CALCR: variants seen among roughly 807,000 people sequenced by gnomAD.
CALCR encodes the protein calcitonin receptor.
Under a neutral mutation model 59.5 loss-of-function variants are expected in CALCR, and 47 were observed. The ratio of observed to expected loss-of-function variants is 0.79; its 90% confidence interval spans 0.63 to 1.01. The LOEUF is 1.01. Ranked by LOEUF, CALCR falls within the 50% of genes least tolerant of loss-of-function variation. The pLI, the probability that CALCR is intolerant of heterozygous loss-of-function variation, is 0.00. For missense variants in CALCR, 566 were observed against 597.1 expected (o/e 0.95, Z 0.54); for synonymous variants, 213 against 211.3 (o/e 1.01, Z -0.07).
rs1203649332 is a variant in CALCR, at chr7:93,425,912, A to T, written c.*444T>A. 3 of 154,398 alleles carry T rather than the reference A, an allele frequency of 1.9e-5. No homozygotes were observed. The highest frequency in any genetic ancestry group is 4.8e-5 in the African/African-American group (2 of 41,456). The allele number at this position is 154,398 out of a possible 1,614,324, so 9.6% of individuals were successfully genotyped here. ...GTAACATCAGAATTGACTGAAATTT[A>T]AAAAAATTAAAAATCAGATCCATAG... On this transcript the variant is annotated 3_prime_UTR_variant, in exon 14 of 14. Coordinates refer to ENST00000426151, the MANE Select transcript of CALCR (RefSeq NM_001742.4).
At chr7:93,568,938 C>T (rs549539894) in intron 2 of CALCR, among the ~76,000 whole-genome samples, 22 of 152,134 alleles carry the variant, frequency 1.4e-4, no homozygotes, top group Admixed American at 9.8e-4. Context: ...CTCCTTGTCC[C>T]GACTTGGTGA....
At position 93,436,137 on chromosome 7, in the gene CALCR, C is replaced by T; in HGVS notation, c.964G>A (p.Val322Met). The T allele has an allele frequency of 6.2e-7, 1 of 1,614,102 alleles. No homozygotes were observed. The highest frequency in any genetic ancestry group is 8.5e-7 in the Non-Finnish European group (1 of 1,179,968). ...GTTTCCCTCATTTTGGTCACAAGCACCCGGACAATGTTGAGCAAAAAGAAG... is the reference window on the plus strand; with the variant it reads ...GTTTCCCTCATTTTGGTCACAAGCATCCGGACAATGTTGAGCAAAAAGAAG... Reference protein sequence around the residue: ...NFFFLLNIVRVLVTKMRETHE... With the variant: ...NFFFLLNIVRMLVTKMRETHE... The change falls in exon 12 of 14, where the codon GTG becomes ATG. Residue 322 changes from valine to methionine, a missense_variant. By Grantham distance (21) the Val-to-Met change is conservative. Transcript: ENST00000426151.
chr7:93,496,162 GT>G (rs1801198240), intron 2 of CALCR, among the ~76,000 whole-genome samples: 1 of 151,414 alleles, frequency 6.6e-6, no homozygotes. Context: ...CCAAAAGCAT[GT>G]TCCATAGAAG....
intron 8 of CALCR, among the ~76,000 whole-genome samples, chr7:93,453,623 G>A (rs971647627): frequency 6.6e-6 from 1 of 151,942 alleles, no homozygotes; most frequent in Middle Eastern, 3.2e-3. Flanking sequence ...TCTCAAAGCA[G>A]GGGAAGCTAA....
chr7:93,479,527 C>T lies in CALCR; in HGVS notation c.52-20G>A. ...TGGGTGCTGTATTAAAAAGAAAAAT[C>T]AGTTACTTATAGACAGGAGGAATGG... On this transcript the variant is annotated intron_variant, in intron 3 of 13. Coordinates refer to ENST00000426151, the MANE Select transcript of CALCR (RefSeq NM_001742.4). 1 of 1,606,468 alleles carries T rather than the reference C, an allele frequency of 6.2e-7. No homozygotes were observed. Among genetic ancestry groups the T allele is most frequent in the Non-Finnish European group, 8.5e-7 (1 of 1,176,456 alleles).
At chr7:93,429,359 G>A (rs139286219) in intron 13 of CALCR, among the ~76,000 whole-genome samples, 276 of 152,166 alleles carry the variant, frequency 1.8e-3, no homozygotes, top group African/African-American at 6.2e-3. Flanking sequence ...GAAAATAAAT[G>A]TTTTCAGTTG....
chr7:93,543,044 A>G (rs897462421), intron 2 of CALCR, among the ~76,000 whole-genome samples: 1 of 152,156 alleles, frequency 6.6e-6, no homozygotes, highest in Non-Finnish European at 1.5e-5. Flanking sequence ...AACCAGTAAC[A>G]TATTCATTTA....
In CALCR at chr7:93,538,034, C is replaced by T. The variant is rs543626868; in HGVS notation, c.-27+36255G>A. On this transcript the variant is annotated intron_variant, in intron 2 of 13. Transcript: ENST00000426151. Reference sequence around the variant, plus strand: ...AACATGTGCCTTTTAAAAGAAATCACTAAACTGTAGTAGTGATCATCTTGC... The same window carrying T: ...AACATGTGCCTTTTAAAAGAAATCATTAAACTGTAGTAGTGATCATCTTGC... Among the ~76,000 whole-genome samples the T allele has an allele frequency of 2.4e-4, 37 of 151,966 alleles. 1 individual carries two copies. The highest frequency in any genetic ancestry group is 4.6e-4 in the Non-Finnish European group (31 of 67,832).
chr7:93,567,082 T>G (rs1283452104), intron 2 of CALCR, among the ~76,000 whole-genome samples: 5 of 152,198 alleles, frequency 3.3e-5, no homozygotes, highest in African/African-American at 1.2e-4. Flanking sequence ...TCTGCATGAT[T>G]AAACTGAATG....
Position 93,460,822 on chromosome 7 carries a change from G to A in CALCR, c.647C>T (p.Pro216Leu), listed in dbSNP as rs371453754. The change falls in exon 8 of 14, where the codon CCG (proline) becomes CTG (leucine). Residue 216 changes from proline to leucine, a missense_variant and splice_region_variant. Physicochemically the swap from Pro to Leu is moderately conservative, Grantham distance 98. Transcript: ENST00000426151. ...AAAACAAAACTATGCAGTACTTACCGGGTCCCTTCGCACGAGCTCTCCATT... is the reference window on the plus strand; with the variant it reads ...AAAACAAAACTATGCAGTACTTACCAGGTCCCTTCGCACGAGCTCTCCATT... The part of the protein sequence containing the change: ...VPNGELVRRD[P>L]VSCKILHFFH... The A allele has an allele frequency of 6.4e-5, 103 of 1,601,372 alleles. 3 individuals are homozygous for A. In the South Asian group the frequency reaches 6.6e-4, roughly 10 times the overall value.
At chr7:93,542,961 ATT>A (rs34378950) in intron 2 of CALCR, among the ~76,000 whole-genome samples, 65 of 149,218 alleles carry the variant, frequency 4.4e-4, no homozygotes, top group African/African-American at 1.1e-3. Context: ...CAGTTCACTG[ATT>A]TTTTTTTTTT....
intron 4 of CALCR, 110 bp from the exon 5 acceptor site, chr7:93,477,778 C>G (rs1800698903): frequency 4.5e-6 from 3 of 673,056 alleles, no homozygotes; most frequent in Admixed American, 2.3e-5. Flanking sequence ...CCAGTCATAA[C>G]CAACCACATT....
Position 93,426,338 on chromosome 7 carries a change from G to A in CALCR, c.*18C>T, listed in dbSNP as rs1042138. On this transcript the variant is annotated 3_prime_UTR_variant, in exon 14 of 14. Transcript: ENST00000426151. ...GAAATGATGGCTCAGTGATCACGAT[G>A]CTGTGTTTGCTTCACATTCAAGCAG... 165,898 of 1,354,322 alleles carry A rather than the reference G, an allele frequency of 0.12. 13,474 individuals are homozygous for A. Among genetic ancestry groups the A allele is most frequent in the East Asian group, 0.43 (18,722 of 43,352 alleles). The allele number at this position is 1,354,322 out of a possible 1,614,324, so 83.9% of individuals were successfully genotyped here. A position where few individuals can be genotyped will look rare whatever the true frequency, so the allele number is the denominator to read the frequency against.
chr7:93,495,916 C>T, intron 2 of CALCR: 2 of 1,530,028 alleles, frequency 1.3e-6, no homozygotes, highest in South Asian at 2.4e-5. Flanking sequence ...CTAATCTTCT[C>T]TCCAGAAAAT....
intron 2 of CALCR, among the ~76,000 whole-genome samples, chr7:93,504,446 T>C (rs1544362): frequency 0.18 from 26,990 of 152,180 alleles, 5,864 homozygotes; most frequent in African/African-American, 0.51. Flanking sequence ...CAATGAATTC[T>C]GGTAGAAATT....
intron 2 of CALCR, among the ~76,000 whole-genome samples, chr7:93,489,317 G>T (rs771913293): frequency 2.6e-5 from 4 of 151,834 alleles, no homozygotes; most frequent in Non-Finnish European, 5.9e-5. Flanking sequence ...AAGCTGCAAA[G>T]ATCTCAAATC....
intron 8 of CALCR, among the ~76,000 whole-genome samples, chr7:93,456,962 T>A (rs1800221460): frequency 6.6e-6 from 1 of 152,064 alleles, no homozygotes; most frequent in South Asian, 2.1e-4. Flanking sequence ...GACACCTGCT[T>A]ATGGGGTTTA....
In CALCR at chr7:93,462,667, A is replaced by G. The variant is rs79441720; in HGVS notation, c.522-1720T>C. 8.4e-3 allele frequency among the ~76,000 whole-genome samples: 1,275 copies of G among 152,234 alleles called. 32 individuals carry two copies. The highest frequency in any genetic ancestry group is 0.068 in the South Asian group (327 of 4,818). ...AGAACTAAGGAGTATGAATGAATGT[A>G]TCATACAGCAATGATATTCTTAAGC... On this transcript the variant is annotated intron_variant, in intron 7 of 13. Transcript: ENST00000426151.
chr7:93,568,449 C>G (rs901324520), intron 2 of CALCR, among the ~76,000 whole-genome samples: 1 of 151,386 alleles, frequency 6.6e-6, no homozygotes, highest in Non-Finnish European at 1.5e-5. Context: ...CCCACTTGAT[C>G]TACTGGTAAC....
Sources: gnomAD v4.1 joint callset for allele counts (sites outside exome capture counted in the v4.1 genomes callset) on GRCh38, gnomAD v4.1.1 for gene constraint, MANE v1.5 for transcripts, NCBI Gene and HGNC (gene_info 2026-07-23, HGNC 2026-07-21) for gene names.